OTOGL: variants seen among roughly 807,000 people sequenced by gnomAD.
OTOGL encodes the protein otogelin-like protein.
OTOGL carries 285 observed loss-of-function variants against 318.5 expected under a neutral mutation model. That is an observed-to-expected ratio of 0.89 (90% confidence interval 0.81 to 0.99). OTOGL has a LOEUF of 0.99. Ranked by LOEUF, OTOGL falls within the 50% of genes least tolerant of loss-of-function variation. OTOGL has a pLI of 0.00. For missense variants in OTOGL, 2,899 were observed against 2,845.6 expected, an observed-to-expected ratio of 1.02 and a Z score of -0.43; for synonymous variants, 987 against 936.5, an observed-to-expected ratio of 1.05 and a Z score of -0.99.
At chr12:80,323,927 C>A in intron 35 of OTOGL, 87 bp downstream of exon 35, 2 of 1,026,492 alleles carry the variant, frequency 1.9e-6, no homozygotes, top group African/African-American at 1.6e-5. Flanking sequence ...TTAAAAACAG[C>A]CATTCTCAAG....
chr12:80,175,073 A>G (rs765786868), intron 1 of OTOGL, among the ~76,000 whole-genome samples: 2 of 152,188 alleles, frequency 1.3e-5, no homozygotes, highest in Non-Finnish European at 2.9e-5. Flanking sequence ...AAAAGCATAG[A>G]ACACACAAAG....
chr12:80,351,343 G>A (rs1159441610), intron 44 of OTOGL, among the ~76,000 whole-genome samples: 1 of 151,656 alleles, frequency 6.6e-6, no homozygotes, highest in Non-Finnish European at 1.5e-5. Context: ...TTGAGATACA[G>A]TCTCACTCTG....
intron 1 of OTOGL, among the ~76,000 whole-genome samples, chr12:80,180,512 G>A (rs532014089): frequency 1.3e-5 from 2 of 152,212 alleles, no homozygotes; most frequent in Non-Finnish European, 2.9e-5. Flanking sequence ...AGGAGTCTGT[G>A]GGGGAACACT....
intron 1 of OTOGL, among the ~76,000 whole-genome samples, chr12:80,144,398 T>A (rs1466211984): frequency 1.3e-5 from 2 of 151,452 alleles, no homozygotes; most frequent in Admixed American, 6.6e-5. Flanking sequence ...TCATTTTTTA[T>A]GGCTGCATAG....
intron 52 of OTOGL, among the ~76,000 whole-genome samples, chr12:80,362,799 A>G (rs1312195387): frequency 6.6e-6 from 1 of 152,136 alleles, no homozygotes; most frequent in East Asian, 1.9e-4. Context: ...GACAGGGGCT[A>G]ATAGAAACGG....
intron 52 of OTOGL, 96 bp from the exon 53 acceptor site, chr12:80,366,476 GTA>G (rs1444753197): frequency 1.1e-3 from 249 of 233,926 alleles, no homozygotes; most frequent in Non-Finnish European, 1.4e-3. Flanking sequence ...GTGTGTGTGT[GTA>G]TATATATATA....
intron 42 of OTOGL, among the ~76,000 whole-genome samples, chr12:80,338,636 C>T (rs1888555999): frequency 6.6e-6 from 1 of 152,070 alleles, no homozygotes; most frequent in African/African-American, 2.4e-5. Context: ...TGATCTTTAA[C>T]AAGCCTGACA....
At chr12:80,190,507 G>A (rs1027109239) in intron 1 of OTOGL, among the ~76,000 whole-genome samples, 2 of 152,166 alleles carry the variant, frequency 1.3e-5, no homozygotes, top group African/African-American at 4.8e-5. Context: ...GTGAATCCAG[G>A]CCGGGCGCGG....
At chr12:80,114,904 T>C (rs1336170594) in intron 1 of OTOGL, among the ~76,000 whole-genome samples, 1 of 151,730 alleles carries the variant, frequency 6.6e-6, no homozygotes, top group African/African-American at 2.4e-5. Context: ...GCTTGATCAA[T>C]TCAGCTATTG....
intron 26 of OTOGL, among the ~76,000 whole-genome samples, chr12:80,295,244 T>C (rs888710341): frequency 2.1e-5 from 3 of 142,704 alleles, no homozygotes; most frequent in African/African-American, 8.0e-5. Flanking sequence ...TGGCGTGGTC[T>C]CAGCTTACTG....
chr12:80,298,276 C>G (rs1885542845), intron 27 of OTOGL, among the ~76,000 whole-genome samples: 2 of 152,038 alleles, frequency 1.3e-5, no homozygotes. Context: ...GGAAGAGCAC[C>G]TAAAGAAACC....
intron 11 of OTOGL, among the ~76,000 whole-genome samples, chr12:80,244,991 C>T (rs1880743820): frequency 6.7e-6 from 1 of 148,702 alleles, no homozygotes; most frequent in Non-Finnish European, 1.5e-5. Flanking sequence ...GTTCTTTGCC[C>T]ACTTTTTGAT....
chr12:80,357,613 C>A (rs1482067107), intron 49 of OTOGL, among the ~76,000 whole-genome samples: 1 of 152,008 alleles, frequency 6.6e-6, no homozygotes, highest in South Asian at 2.1e-4. Flanking sequence ...CAGTCAAGCC[C>A]TAGGAAGAAG....
chr12:80,197,184 C>G (rs993157384), intron 1 of OTOGL, among the ~76,000 whole-genome samples: 1 of 152,112 alleles, frequency 6.6e-6, no homozygotes, highest in Non-Finnish European at 1.5e-5. Context: ...AGTTGTCCCA[C>G]CTTTCTGGAC....
chr12:80,333,179 G>A, intron 38 of OTOGL, 101 bp downstream of exon 38: 1 of 968,642 alleles, frequency 1.0e-6, no homozygotes, highest in Admixed American at 2.2e-5. Flanking sequence ...TTTTTGATAT[G>A]TTCTCTAGTC....
chr12:80,166,744 T>G (rs1286098599), intron 1 of OTOGL, among the ~76,000 whole-genome samples: 4 of 152,204 alleles, frequency 2.6e-5, no homozygotes, highest in African/African-American at 7.2e-5. Context: ...TCATATATAA[T>G]AGCAGATAGT....
intron 55 of OTOGL, among the ~76,000 whole-genome samples, chr12:80,369,680 G>A (rs1890764463): frequency 6.6e-6 from 1 of 151,952 alleles, no homozygotes; most frequent in African/African-American, 2.4e-5. Flanking sequence ...CATAGCTTGC[G>A]GCCTGGGCTG....
chr12:80,368,041 C>T (rs749988059), intron 54 of OTOGL, among the ~76,000 whole-genome samples, 164 bp from the exon 55 acceptor site: 2 of 151,996 alleles, frequency 1.3e-5, no homozygotes, highest in African/African-American at 4.8e-5. Flanking sequence ...TCTAATATAA[C>T]CATATAAAGT....
intron 1 of OTOGL, among the ~76,000 whole-genome samples, chr12:80,157,243 G>C (rs1873185628): frequency 6.6e-6 from 1 of 152,000 alleles, no homozygotes; most frequent in South Asian, 2.1e-4. Context: ...GTCTTCTTTT[G>C]AGAACTGTCT....
Sources: allele counts gnomAD v4.1 joint callset (sites outside exome capture counted in the v4.1 genomes callset), GRCh38; gene constraint gnomAD v4.1.1; transcripts MANE v1.5; gene names NCBI Gene and HGNC (gene_info 2026-07-23, HGNC 2026-07-21).